ATP8A1: variants seen among roughly 807,000 people sequenced by gnomAD.
The protein encoded by ATP8A1 is ATPase phospholipid transporting 8A1, also known as phospholipid-transporting ATPase IA.
A neutral mutation model predicts 177.7 loss-of-function variants in ATP8A1; 90 were observed. The observed-to-expected ratio is 0.51, with a 90% confidence interval of 0.43 to 0.60. The LOEUF (loss-of-function observed/expected upper bound fraction) is 0.60, where lower values mean the gene tolerates loss of function less well. Ranked by LOEUF, ATP8A1 falls within the 20% of genes least tolerant of loss-of-function variation. ATP8A1 has a pLI of 0.00. For missense variants in ATP8A1, 1,072 were observed against 1,392.8 expected (o/e 0.77, Z 3.67); for synonymous variants, 493 against 485.9 (o/e 1.01, Z -0.19).
At chr4:42,493,547 T>C (rs1430696413) in intron 24 of ATP8A1, among the ~76,000 whole-genome samples, 2 of 152,182 alleles carry the variant, frequency 1.3e-5, no homozygotes, top group African/African-American at 4.8e-5. Flanking sequence ...TCATGGCCTA[T>C]CATAAACTCT....
chr4:42,470,091 T>G (rs1016725474), intron 25 of ATP8A1, among the ~76,000 whole-genome samples: 1 of 152,222 alleles, frequency 6.6e-6, no homozygotes, highest in Non-Finnish European at 1.5e-5. Context: ...CCACCGTTGC[T>G]TTTTCTTCTT....
chr4:42,564,542 C>T (rs1033030205), intron 15 of ATP8A1, among the ~76,000 whole-genome samples: 4 of 152,198 alleles, frequency 2.6e-5, no homozygotes, highest in East Asian at 1.9e-4. Context: ...GACTGCCCTG[C>T]TGGATTCTGG....
chr4:42,525,887 C>T (rs184887200), intron 20 of ATP8A1, among the ~76,000 whole-genome samples: 181 of 152,026 alleles, frequency 1.2e-3, no homozygotes, highest in African/African-American at 4.1e-3. Context: ...TATTCCAAGC[C>T]GCAATTCTGA....
chr4:42,539,408 C>A (rs200399662), intron 20 of ATP8A1, among the ~76,000 whole-genome samples: 2 of 125,950 alleles, frequency 1.6e-5, no homozygotes, highest in Non-Finnish European at 3.4e-5. Flanking sequence ...CCCCCCCCAA[C>A]AAAAACAAAA....
At position 42,552,840 on chromosome 4, in the gene ATP8A1, G is replaced by A. The variant is rs138288026; in HGVS notation, c.1414-230C>T. On this transcript the variant is annotated intron_variant, in intron 16 of 36. Coordinates refer to ENST00000381668, the MANE Select transcript of ATP8A1 (RefSeq NM_006095.2). ...CTGAAAATACAAAATCTGGCCAGGC[G>A]TGGTGGCAGGCGCCTGTAATGCCAG... Among the ~76,000 whole-genome samples the A allele has an allele frequency of 2.5e-3, 381 of 152,302 alleles. 3 individuals are homozygous for A. The highest frequency in any genetic ancestry group is 8.6e-3 in the African/African-American group (359 of 41,568).
intron 22 of ATP8A1, among the ~76,000 whole-genome samples, chr4:42,509,307 T>C (rs1724753661): frequency 6.6e-6 from 1 of 152,224 alleles, no homozygotes; most frequent in South Asian, 2.1e-4. Context: ...CCAGATAGTT[T>C]TACATGGCTA....
At position 42,411,161 on chromosome 4, in the gene ATP8A1, G is replaced by C. The variant is rs1273408158; in HGVS notation, c.*1755C>G. 1 of 152,148 alleles carries C rather than the reference G, an allele frequency of 6.6e-6. No homozygotes were observed. Among genetic ancestry groups the C allele is most frequent in the African/African-American group, 2.4e-5 (1 of 41,434 alleles). 9.4% of individuals were successfully genotyped at this position (152,148 alleles called of 1,614,324 possible). On this transcript the variant is annotated 3_prime_UTR_variant, in exon 37 of 37. Coordinates refer to ENST00000381668, the MANE Select transcript of ATP8A1 (RefSeq NM_006095.2). The stretch of plus-strand genomic sequence containing the variant: ...GGCTTGGGAAGTAAAGTATGTAAAC[G>C]TGTGTTCCCTTAAGGTTAGAATTAT...
chr4:42,455,164 C>G (rs1443956563), intron 29 of ATP8A1, 133 bp downstream of exon 29: 1 of 1,129,082 alleles, frequency 8.9e-7, no homozygotes, highest in Admixed American at 3.1e-5. Context: ...AGAAATATGA[C>G]TTGCCATAGT....
chr4:42,459,586 G>A (rs1718865869), intron 27 of ATP8A1: 2 of 256,484 alleles, frequency 7.8e-6, no homozygotes, highest in South Asian at 3.8e-5. Context: ...AAGGGATTGA[G>A]AATAGAAAAA....
rs1163648131 is a variant in ATP8A1 at position 42,595,063 on chromosome 4, A to G, written c.451-4179T>C. Among the ~76,000 whole-genome samples the G allele has an allele frequency of 3.3e-5, 5 of 152,194 alleles. No individual in the cohort carries two copies. The East Asian group carries it at 7.7e-4, about 23-fold the overall frequency. ...TGTCACATAGCTTTTGGCAAACAAC[A>G]CAGTAACTAAGCAACAACTTGGCTT... is the stretch of plus-strand genomic sequence containing the variant. On this transcript the variant is annotated intron_variant, in intron 6 of 36. Coordinates refer to ENST00000381668, the MANE Select transcript of ATP8A1 (RefSeq NM_006095.2).
chr4:42,619,432 C>T (rs983922382), intron 4 of ATP8A1, among the ~76,000 whole-genome samples: 1 of 152,018 alleles, frequency 6.6e-6, no homozygotes, highest in Admixed American at 6.6e-5. Context: ...GAAGAGAGTT[C>T]TCCATCAATT....
At chr4:42,535,365 A>C (rs1727707562) in intron 20 of ATP8A1, among the ~76,000 whole-genome samples, 1 of 152,206 alleles carries the variant, frequency 6.6e-6, no homozygotes. Context: ...TAAAAGACAA[A>C]GAGGGACATT....
intron 33 of ATP8A1, among the ~76,000 whole-genome samples, chr4:42,436,366 A>G (rs1715999262): frequency 6.6e-6 from 1 of 152,236 alleles, no homozygotes. Context: ...TGTGGTTACA[A>G]AACACAATGC....
chr4:42,566,418 T>A (rs762518249), intron 15 of ATP8A1, among the ~76,000 whole-genome samples: 2 of 152,200 alleles, frequency 1.3e-5, no homozygotes, highest in African/African-American at 2.4e-5. Context: ...GAAGATGCAG[T>A]CAGATGCCTG....
intron 24 of ATP8A1, among the ~76,000 whole-genome samples, chr4:42,496,758 A>G (rs1723310770): frequency 6.6e-6 from 1 of 151,942 alleles, no homozygotes; most frequent in African/African-American, 2.4e-5. Context: ...ATATACACAC[A>G]TATATATACG....
At chr4:42,588,429 G>T in intron 7 of ATP8A1, 100 bp from the exon 8 acceptor site, 1 of 945,076 alleles carries the variant, frequency 1.1e-6, no homozygotes. Flanking sequence ...TTTCGTTCTA[G>T]ACAAAGTAAT....
Position 42,452,808 on chromosome 4 carries a change from T to C in ATP8A1, c.2818-749A>G, listed in dbSNP as rs148212644. The stretch of plus-strand genomic sequence containing the variant: ...GAATTCTTATGGCCCCTCTGAACAG[T>C]TGTAGTTTTGTCATTTAAAAGTGCT... On this transcript the variant is annotated intron_variant, in intron 29 of 36. Transcript: ENST00000381668. Among the ~76,000 whole-genome samples the C allele has an allele frequency of 2.2e-3, 335 of 152,308 alleles. 1 individual carries two copies. Among genetic ancestry groups the C allele is most frequent in the African/African-American group, 7.4e-3 (309 of 41,572 alleles).
chr4:42,572,988 A>G (rs965260636), intron 14 of ATP8A1, among the ~76,000 whole-genome samples: 2 of 152,164 alleles, frequency 1.3e-5, no homozygotes, highest in African/African-American at 2.4e-5. Context: ...GACCCACCCT[A>G]TAACAGTTGT....
rs1385801764 is a variant in ATP8A1, at chr4:42,455,436, G to T, written c.2695-17C>A. 1 of 1,613,516 alleles carries T rather than the reference G, an allele frequency of 6.2e-7. No individual in the cohort carries two copies. Among genetic ancestry groups the T allele is most frequent in the African/African-American group, 1.3e-5 (1 of 74,878 alleles). ...TGTAAACATCTAAAGCGCACAAACT[G>T]GTCATTATGTCAAGCAGCCAAATGC... On this transcript the variant is annotated splice_polypyrimidine_tract_variant and intron_variant, in intron 28 of 36. Transcript: ENST00000381668.
Sources: allele counts gnomAD v4.1 joint callset (sites outside exome capture counted in the v4.1 genomes callset), GRCh38; gene constraint gnomAD v4.1.1; transcripts MANE v1.5; gene names NCBI Gene and HGNC (gene_info 2026-07-23, HGNC 2026-07-21).